Variants in HMCN1 observed in about 807,000 individuals in gnomAD.
HMCN1 encodes the protein hemicentin 1.
HMCN1 carries 321 observed loss-of-function variants against 625.9 expected under a neutral mutation model. The observed-to-expected ratio is 0.51, with a 90% confidence interval of 0.47 to 0.56. The LOEUF is 0.56. Ranked by LOEUF, HMCN1 falls within the 20% of genes least tolerant of loss-of-function variation. The pLI, the probability that HMCN1 is intolerant of heterozygous loss-of-function variation, is 0.00. For missense variants in HMCN1, 6,588 were observed against 6,887.3 expected, an observed-to-expected ratio of 0.96 and a Z score of 1.54; for synonymous variants, 2,425 against 2,417.6, an observed-to-expected ratio of 1.00 and a Z score of -0.09.
At chr1:186,118,376 A>G (rs1404070215) in intron 77 of HMCN1, among the ~76,000 whole-genome samples, 1 of 152,188 alleles carries the variant, frequency 6.6e-6, no homozygotes, top group Non-Finnish European at 1.5e-5. Flanking sequence ...CTTGGCTTTC[A>G]AGACAAATTA....
chr1:186,013,780 A>C (rs545190110), intron 30 of HMCN1, among the ~76,000 whole-genome samples: 9 of 152,282 alleles, frequency 5.9e-5, no homozygotes, highest in African/African-American at 2.2e-4. Flanking sequence ...CAATAGCCAA[A>C]ACTGGATAAG....
At chr1:185,926,833 C>T (rs1297358910) in intron 9 of HMCN1, among the ~76,000 whole-genome samples, 2 of 152,192 alleles carry the variant, frequency 1.3e-5, no homozygotes, top group African/African-American at 4.8e-5. Context: ...AATCCGTTTG[C>T]ATTAGCAGCA....
intron 87 of HMCN1, 118 bp from the exon 88 acceptor site, chr1:186,137,380 A>G: frequency 1.7e-6 from 2 of 1,171,374 alleles, no homozygotes; most frequent in Non-Finnish European, 2.5e-6. Flanking sequence ...GAGCTTCCAT[A>G]CGCTATTTCT....
At chr1:185,861,570 T>C (rs1488798843) in intron 2 of HMCN1, among the ~76,000 whole-genome samples, 1 of 152,206 alleles carries the variant, frequency 6.6e-6, no homozygotes, top group Non-Finnish European at 1.5e-5. Context: ...TTACAGATTA[T>C]ACAAAATTGG....
At chr1:185,786,233 C>G (rs1199279442) in intron 1 of HMCN1, among the ~76,000 whole-genome samples, 2 of 152,184 alleles carry the variant, frequency 1.3e-5, no homozygotes, top group African/African-American at 2.4e-5. Flanking sequence ...ATCATTTTCC[C>G]TAACATGAGG....
At chr1:186,070,137 T>A (rs1291217102) in intron 51 of HMCN1, among the ~76,000 whole-genome samples, 1 of 152,230 alleles carries the variant, frequency 6.6e-6, no homozygotes, top group African/African-American at 2.4e-5. Flanking sequence ...ATGAGGTCAT[T>A]AGTGACTTTG....
At chr1:185,800,936 A>C (rs1658752465) in intron 1 of HMCN1, among the ~76,000 whole-genome samples, 1 of 152,184 alleles carries the variant, frequency 6.6e-6, no homozygotes, top group Admixed American at 6.5e-5. Context: ...AAGTGTTTGT[A>C]CTCTTCTTGG....
intron 3 of HMCN1, among the ~76,000 whole-genome samples, chr1:185,865,167 C>T (rs931729366): frequency 1.3e-5 from 2 of 152,188 alleles, no homozygotes; most frequent in East Asian, 3.9e-4. Flanking sequence ...GGCTTTGCCT[C>T]ATAGTTGTCT....
chr1:186,167,035 A>C, intron 100 of HMCN1, 93 bp downstream of exon 100: 1 of 1,495,404 alleles, frequency 6.7e-7, no homozygotes, highest in Admixed American at 1.7e-5. Context: ...CAGAAACTCC[A>C]CGAGGAAGGG....
intron 1 of HMCN1, among the ~76,000 whole-genome samples, chr1:185,800,446 T>C (rs927775429): frequency 2.0e-5 from 3 of 152,224 alleles, no homozygotes; most frequent in Admixed American, 2.0e-4. Flanking sequence ...TTGGAAATCA[T>C]CCAGTCATCT....
intron 6 of HMCN1, among the ~76,000 whole-genome samples, chr1:185,922,065 G>C (rs1028763297): frequency 6.6e-6 from 1 of 152,148 alleles, no homozygotes; most frequent in Non-Finnish European, 1.5e-5. Context: ...CCAAAACAAA[G>C]ATCCATACCC....
intron 20 of HMCN1, among the ~76,000 whole-genome samples, chr1:185,988,503 ATAAAT>A (rs1184375880): frequency 6.6e-6 from 1 of 152,256 alleles, no homozygotes; most frequent in East Asian, 1.9e-4. Context: ...ACATTTGTAA[ATAAAT>A]TAAAAAGTTA....
At chr1:186,148,677 AT>A (rs1223959355) in intron 93 of HMCN1, among the ~76,000 whole-genome samples, 3 of 150,308 alleles carry the variant, frequency 2.0e-5, no homozygotes, top group Admixed American at 6.7e-5. Flanking sequence ...AATTTTTTGT[AT>A]TTTTTTTTAG....
intron 11 of HMCN1, among the ~76,000 whole-genome samples, chr1:185,946,965 T>G (rs1279457362): frequency 6.6e-6 from 1 of 152,202 alleles, no homozygotes; most frequent in Non-Finnish European, 1.5e-5. Context: ...CTAGCACTTA[T>G]TTATCATTAA....
At chr1:185,769,438 C>A (rs957057514) in intron 1 of HMCN1, among the ~76,000 whole-genome samples, 1 of 151,884 alleles carries the variant, frequency 6.6e-6, no homozygotes, top group Admixed American at 6.6e-5. Flanking sequence ...CAGAGTGAAA[C>A]CCTGTCTCAA....
At chr1:186,019,994 ATGT>A (rs1274445931) in intron 35 of HMCN1, among the ~76,000 whole-genome samples, 9 of 152,008 alleles carry the variant, frequency 5.9e-5, no homozygotes, top group Non-Finnish European at 1.3e-4. Context: ...CAGATGAATG[ATGT>A]TCATCAGTAA....
At position 186,039,865 on chromosome 1, in the gene HMCN1, T is replaced by C. The variant is rs765760587; in HGVS notation, c.6166T>C (p.Ser2056Pro). The change falls in exon 39 of 107, where the codon TCT becomes CCT. Residue 2056 changes from serine (S) to proline (P), a missense_variant. Physicochemically the swap from Ser to Pro is moderately conservative, Grantham distance 74 (BLOSUM62 -1). Around this residue, in one of 3 missense-constraint regions of HMCN1, gnomAD observed 4,628 missense variants for 4,853.1 expected, o/e 0.95. Coordinates refer to ENST00000271588, the MANE Select transcript of HMCN1 (RefSeq NM_031935.3). ...LKDGSPVSSF[S>P]NGLQVLSGGR... Reference sequence around the variant, plus strand: ...AGATGGGAGTCCTGTTTCTAGTTTTTCTAATGGATTACAGGTACCTTCATT... The same window carrying C: ...AGATGGGAGTCCTGTTTCTAGTTTTCCTAATGGATTACAGGTACCTTCATT... The C allele has an allele frequency of 6.2e-7, 1 of 1,613,406 alleles. No homozygotes were observed. Among genetic ancestry groups the C allele is most frequent in the Non-Finnish European group, 8.5e-7 (1 of 1,179,516 alleles).
At chr1:186,186,994 T>TCTCA (rs1188045464) in intron 105 of HMCN1, among the ~76,000 whole-genome samples, 5 of 134,594 alleles carry the variant, frequency 3.7e-5, no homozygotes, top group Admixed American at 3.0e-4. Context: ...TGTCTCTGTC[T>TCTCA]CACACACACA....
At chr1:186,001,882 A>G in intron 28 of HMCN1, 141 bp downstream of exon 28, 1 of 753,558 alleles carries the variant, frequency 1.3e-6, no homozygotes, top group Non-Finnish European at 2.2e-6. Context: ...TGTCCTTATT[A>G]TTTGTTAACC....
Sources: allele counts gnomAD v4.1 joint callset (sites outside exome capture counted in the v4.1 genomes callset), GRCh38; gene constraint gnomAD v4.1.1; regional missense constraint gnomAD v4.1.1; transcripts MANE v1.5; gene names NCBI Gene and HGNC (gene_info 2026-07-23, HGNC 2026-07-21).